HIVEP1: variants seen among roughly 807,000 people sequenced by gnomAD.
HIVEP1 encodes the protein HIVEP zinc finger 1, also known as zinc finger protein 40.
A neutral mutation model predicts 180.0 loss-of-function variants in HIVEP1; 36 were observed. That is an observed-to-expected ratio of 0.20 (90% confidence interval 0.15 to 0.26). HIVEP1 has a LOEUF of 0.26. HIVEP1 is among the 10% of genes least tolerant of loss of function. The pLI is 1.00. For synonymous variants in HIVEP1, 1,239 were observed against 1,239.0 expected, an observed-to-expected ratio of 1.00 and a Z score of 0.00; for missense variants, 3,143 against 3,268.7, an observed-to-expected ratio of 0.96 and a Z score of 0.94.
the HIVEP1 span, among the ~76,000 whole-genome samples, chr6:12,195,925 G>GT: frequency 6.6e-6 from 1 of 152,168 alleles, no homozygotes. Context: ...ATAACTATCC[G>GT]TTCACCTTTG....
chr6:12,201,731 A>G, the HIVEP1 span, among the ~76,000 whole-genome samples: 2 of 152,156 alleles, frequency 1.3e-5, no homozygotes, highest in Non-Finnish European at 2.9e-5. Flanking sequence ...TTTTGTTTTC[A>G]TTAAGGGATG....
chr6:12,032,087 T>A (rs1768984054), intron 2 of HIVEP1, among the ~76,000 whole-genome samples: 1 of 152,110 alleles, frequency 6.6e-6, no homozygotes, highest in South Asian at 2.1e-4. Flanking sequence ...TTGCAGGCAT[T>A]CTGCATATTT....
At chr6:12,159,085 C>T (rs989219562) in intron 7 of HIVEP1, among the ~76,000 whole-genome samples, 1 of 152,086 alleles carries the variant, frequency 6.6e-6, no homozygotes, top group African/African-American at 2.4e-5. Flanking sequence ...TGTCTGCCCT[C>T]GGTGACACAA....
intron 2 of HIVEP1, among the ~76,000 whole-genome samples, chr6:12,048,185 C>T (rs1260837847): frequency 6.6e-6 from 1 of 152,206 alleles, no homozygotes; most frequent in African/African-American, 2.4e-5. Context: ...ATTTTAGCTG[C>T]CATTGGGCCC....
upstream of HIVEP1, among the ~76,000 whole-genome samples, chr6:12,010,893 C>G (rs773395047): frequency 2.6e-5 from 4 of 152,188 alleles, no homozygotes; most frequent in African/African-American, 7.2e-5. Context: ...CACGCTCTCC[C>G]CTCTTCCCTG....
intron 3 of HIVEP1, among the ~76,000 whole-genome samples, chr6:12,091,892 A>C (rs551285850): frequency 6.6e-6 from 1 of 152,312 alleles, no homozygotes; most frequent in South Asian, 2.1e-4. Context: ...ATTTAAATGA[A>C]ATAGTGACTG....
chr6:12,135,690 A>T, intron 6 of HIVEP1, 101 bp from the exon 7 acceptor site: 1 of 737,804 alleles, frequency 1.4e-6, no homozygotes, highest in South Asian at 1.7e-5. Context: ...TACGACCACA[A>T]TCTGTACTTT....
chr6:12,190,039 C>T, the HIVEP1 span, among the ~76,000 whole-genome samples: 4 of 152,140 alleles, frequency 2.6e-5, no homozygotes, highest in African/African-American at 9.7e-5. Flanking sequence ...AATTGTAGAA[C>T]AATGTGTATA....
chr6:12,144,898 C>T lies in HIVEP1; in HGVS notation c.6487+9006C>T, dbSNP rs554869073. Among the ~76,000 whole-genome samples, 19 of 152,236 alleles carry T rather than the reference C, an allele frequency of 1.2e-4. No individual in the cohort carries two copies. The East Asian group carries it at 2.9e-3, about 23-fold the overall frequency. ...GATGATGGAGAGGATGTGGGGAAAT[C>T]GGAACGCTTTTACACTATTGGTGGG... On this transcript the variant is annotated intron_variant, in intron 7 of 8. Transcript: ENST00000379388.
At chr6:12,168,094 C>T (rs219958), downstream of HIVEP1, among the ~76,000 whole-genome samples, 40,570 of 44,478 alleles carry the variant, frequency 0.91, 18,889 homozygotes, top group East Asian at 0.97. Context: ...CATATATACA[C>T]ATACACGTAT....
In HIVEP1 at chr6:12,125,700, A is replaced by G; in HGVS notation, c.5905A>G (p.Thr1969Ala). 6.2e-7 allele frequency: 1 copy of G among 1,614,192 alleles called. No individual in the cohort carries two copies. Among genetic ancestry groups the G allele is most frequent in the Non-Finnish European group, 8.5e-7 (1 of 1,180,036 alleles). Residue 1969 changes from threonine to alanine, a missense_variant, in exon 4 of 9, where the codon ACA becomes GCA. Transcript: ENST00000379388. Reference sequence around the variant, plus strand: ...GAAAACTTCAGCCTATACTGATTGGACAGTAAGCGCCAGTAATCCAAATCC... The same window carrying G: ...GAAAACTTCAGCCTATACTGATTGGGCAGTAAGCGCCAGTAATCCAAATCC... Reference protein sequence around the residue: ...DQKTSAYTDWTVSASNPNPLG... With the variant: ...DQKTSAYTDWAVSASNPNPLG...
At position 12,164,400 on chromosome 6, in the gene HIVEP1, C is replaced by T; in HGVS notation, c.8096C>T (p.Thr2699Ile). 6.2e-7 allele frequency: 1 copy of T among 1,614,152 alleles called. No individual in the cohort carries two copies. The highest frequency in any genetic ancestry group is 1.1e-5 in the South Asian group (1 of 91,088). The change falls in exon 9 of 9, where the codon ACT becomes ATT. Residue 2699 changes from threonine to isoleucine, a missense_variant. This residue lies in a region of HIVEP1 where 595 missense variants were observed against 602.2 expected (regional missense o/e 0.99). Coordinates refer to ENST00000379388, the MANE Select transcript of HIVEP1 (RefSeq NM_002114.4). Reference sequence around the variant, plus strand: ...ACAGCACTACCGCGGAGGCAGCCCACTGTGCACTTCAGCGACGTGAGCAGC... The same window carrying T: ...ACAGCACTACCGCGGAGGCAGCCCATTGTGCACTTCAGCGACGTGAGCAGC... ...RPTALPRRQP[T>I]VHFSDVSSDD...
intron 1 of HIVEP1, 62 bp downstream of exon 1, chr6:12,012,628 G>T (rs1273267907): frequency 2.7e-5 from 4 of 148,940 alleles, no homozygotes; most frequent in African/African-American, 4.9e-5. Context: ...GCGGAGGGGG[G>T]GGGGGGCAGG....
chr6:12,011,779 C>G (rs1042349946), upstream of HIVEP1, among the ~76,000 whole-genome samples: 1 of 148,524 alleles, frequency 6.7e-6, no homozygotes, highest in African/African-American at 2.4e-5. Context: ...CCGGTCAGAG[C>G]TGGCGGCCGC....
intron 7 of HIVEP1, among the ~76,000 whole-genome samples, chr6:12,141,590 A>G (rs1759033886): frequency 6.6e-6 from 1 of 150,932 alleles, no homozygotes; most frequent in Admixed American, 6.6e-5. Context: ...AAGAGACAAG[A>G]CCCATCAGTG....
At chr6:12,188,315 A>G in the HIVEP1 span, among the ~76,000 whole-genome samples, 1 of 152,232 alleles carries the variant, frequency 6.6e-6, no homozygotes, top group African/African-American at 2.4e-5. Context: ...CATGGAAACT[A>G]TAGAGATTTT....
intron 2 of HIVEP1, among the ~76,000 whole-genome samples, chr6:12,036,198 T>C (rs1051544754): frequency 5.9e-5 from 9 of 152,320 alleles, no homozygotes; most frequent in Admixed American, 4.6e-4. Flanking sequence ...CAAAAAGATA[T>C]TTGTTCAAAG....
intron 6 of HIVEP1, among the ~76,000 whole-genome samples, chr6:12,134,342 G>A (rs867221829): frequency 6.6e-6 from 1 of 152,066 alleles, no homozygotes; most frequent in African/African-American, 2.4e-5. Flanking sequence ...ATCTGGTCTC[G>A]GCATCCTCTT....
chr6:12,192,633 C>T, the HIVEP1 span, among the ~76,000 whole-genome samples: 6 of 152,132 alleles, frequency 3.9e-5, no homozygotes, highest in African/African-American at 1.4e-4. Context: ...GCTCTCTCTT[C>T]TGCCGCCATG....
Sources: allele counts gnomAD v4.1 joint callset (sites outside exome capture counted in the v4.1 genomes callset), GRCh38; gene constraint gnomAD v4.1.1; regional missense constraint gnomAD v4.1.1; transcripts MANE v1.5; gene names NCBI Gene and HGNC (gene_info 2026-07-23, HGNC 2026-07-21).